Variants in GREB1L observed in about 807,000 individuals in gnomAD.
GREB1L encodes GREB1-like protein.
GREB1L carries 17 observed loss-of-function variants against 200.8 expected under a neutral mutation model. The observed-to-expected ratio is 0.08, with a 90% CI of 0.06 to 0.13. GREB1L has a LOEUF of 0.13. GREB1L is among the 10% of genes least tolerant of loss of function. The probability of loss-of-function intolerance (pLI) is 1.00; values close to 1 mark genes in which losing one functional copy is unlikely to be tolerated. For missense variants in GREB1L, 1,657 were observed against 2,367.7 expected (o/e 0.70, Z 6.23); for synonymous variants, 789 against 893.0 (o/e 0.88, Z 2.08).
chr18:21,345,965 A>G (rs2039338438), intron 1 of GREB1L, among the ~76,000 whole-genome samples: 1 of 152,106 alleles, frequency 6.6e-6, no homozygotes, highest in Non-Finnish European at 1.5e-5. Flanking sequence ...CTAAGACCGA[A>G]TAGAGCAGAG....
chr18:21,478,406 C>T (rs2035792624), intron 17 of GREB1L, among the ~76,000 whole-genome samples: 1 of 152,008 alleles, frequency 6.6e-6, no homozygotes, highest in Non-Finnish European at 1.5e-5. Flanking sequence ...GCAATGGATC[C>T]CTCATTTAAA....
intron 25 of GREB1L, among the ~76,000 whole-genome samples, 157 bp downstream of exon 25, chr18:21,506,106 G>A (rs2037005725): frequency 6.6e-6 from 1 of 152,016 alleles, no homozygotes; most frequent in Non-Finnish European, 1.5e-5. Flanking sequence ...TGAGAAAAAT[G>A]CATGAAGGCT....
At chr18:21,341,443 T>C (rs2145151253) in intron 1 of GREB1L, among the ~76,000 whole-genome samples, 1 of 152,330 alleles carries the variant, frequency 6.6e-6, no homozygotes, top group Middle Eastern at 3.4e-3. Flanking sequence ...ACAAATGTGA[T>C]TGCAAGTGCT....
chr18:21,448,465 A>G (rs1442438364), intron 11 of GREB1L, among the ~76,000 whole-genome samples: 4 of 152,208 alleles, frequency 2.6e-5, no homozygotes, highest in Admixed American at 2.6e-4. Flanking sequence ...GATCCCTATT[A>G]GAGGAAGGAA....
intron 7 of GREB1L, among the ~76,000 whole-genome samples, chr18:21,416,510 G>A (rs1410357703): frequency 1.3e-5 from 2 of 152,048 alleles, no homozygotes; most frequent in East Asian, 1.9e-4. Flanking sequence ...GGCTAACATG[G>A]TGAAACCCTG....
chr18:21,525,832 T>C lies in GREB1L; in HGVS notation c.*3011T>C, dbSNP rs1009699006. 1.3e-5 allele frequency among the ~76,000 whole-genome samples: 2 copies of C among 151,524 alleles called. No homozygotes were observed. Among genetic ancestry groups the C allele is most frequent in the African/African-American group, 4.8e-5 (2 of 41,382 alleles). ...ACTTTGTTGTCCCAGAAAAATGGCT[T>C]TCAATCTATTAATAAAGTGTAGTAA... On this transcript the variant is annotated 3_prime_UTR_variant, in exon 33 of 33. Transcript: ENST00000424526.
intron 5 of GREB1L, among the ~76,000 whole-genome samples, chr18:21,396,011 A>G (rs2041047378): frequency 6.6e-6 from 1 of 151,232 alleles, no homozygotes; most frequent in Admixed American, 6.6e-5. Context: ...TACAGGCGGT[A>G]ACTTCTTAAA....
At chr18:21,517,740 C>G (rs772240478) in intron 30 of GREB1L, among the ~76,000 whole-genome samples, 1 of 152,134 alleles carries the variant, frequency 6.6e-6, no homozygotes, top group Non-Finnish European at 1.5e-5. Context: ...TTAACCCACA[C>G]ACACTGTAAA....
intron 20 of GREB1L, 60 bp from the exon 21 acceptor site, chr18:21,496,394 A>G: frequency 6.6e-7 from 1 of 1,519,770 alleles, no homozygotes; most frequent in East Asian, 2.5e-5. Flanking sequence ...CACCAGGCAC[A>G]CATACACACT....
At chr18:21,380,183 C>G (rs1315221946) in intron 2 of GREB1L, 1 of 152,188 alleles carries the variant, frequency 6.6e-6, no homozygotes, top group South Asian at 2.1e-4. Context: ...ATACTACGCA[C>G]TGCCACCAGG....
In GREB1L at chr18:21,310,370, GGCT is replaced by G. The variant is rs1260505556; in HGVS notation, c.-119-55651_-119-55649del. On this transcript the variant is annotated intron_variant, in intron 1 of 32. Coordinates refer to ENST00000424526, the MANE Select transcript of GREB1L (RefSeq NM_001142966.3). ...GAATCACTTGAGCCCAAAAGCTCAA[GGCT>G]GCTGCATTTTTTTACATGAAAAATA... Among the ~76,000 whole-genome samples the G allele has an allele frequency of 7.2e-5, 11 of 152,316 alleles. No homozygotes were observed. In the South Asian group the frequency reaches 1.0e-3, roughly 14 times the overall value.
At position 21,295,452 on chromosome 18, in the gene GREB1L, A is replaced by G. The variant is rs560897901; in HGVS notation, c.-120+53059A>G. 2.0e-5 allele frequency among the ~76,000 whole-genome samples: 3 copies of G among 152,256 alleles called. No homozygotes were observed. In the South Asian group the frequency reaches 6.2e-4, roughly 32 times the overall value. On this transcript the variant is annotated intron_variant, in intron 1 of 32. Transcript: ENST00000424526. The stretch of plus-strand genomic sequence containing the variant: ...GGATATCTGCACCTGTACGGCAGGC[A>G]GGGTCAAGTCCTGAAAATGTCCCTT...
At chr18:21,438,666 CA>C (rs35409162) in intron 7 of GREB1L, among the ~76,000 whole-genome samples, 19 of 143,480 alleles carry the variant, frequency 1.3e-4, no homozygotes, top group Non-Finnish European at 9.2e-5. Flanking sequence ...GACCTTGTCT[CA>C]AAAAAAAAAG....
chr18:21,280,092 A>G lies in GREB1L; in HGVS notation c.-120+37699A>G, dbSNP rs113233492. On this transcript the variant is annotated intron_variant, in intron 1 of 32. Coordinates refer to ENST00000424526, the MANE Select transcript of GREB1L (RefSeq NM_001142966.3). ...GTTCACTCTTTGTGTTGTACATTGTATGGGTTTTGACACATACATAGTTTC... is the reference window on the plus strand; with the variant it reads ...GTTCACTCTTTGTGTTGTACATTGTGTGGGTTTTGACACATACATAGTTTC... Among the ~76,000 whole-genome samples the G allele has an allele frequency of 5.5e-3, 835 of 152,314 alleles. 7 individuals are homozygous for G. Among genetic ancestry groups the G allele is most frequent in the Non-Finnish European group, 6.9e-3 (467 of 68,020 alleles).
intron 1 of GREB1L, among the ~76,000 whole-genome samples, chr18:21,351,138 GT>G (rs1407446382): frequency 8.5e-5 from 13 of 152,084 alleles, no homozygotes; most frequent in African/African-American, 3.1e-4. Context: ...ATTCAAATAG[GT>G]TTTTTTCCTT....
At position 21,462,898 on chromosome 18, in the gene GREB1L, C is replaced by G. The variant is rs763418498; in HGVS notation, c.2182+8335C>G. Among the ~76,000 whole-genome samples the G allele has an allele frequency of 1.9e-4, 29 of 152,168 alleles. 1 individual carries two copies. The highest frequency in any genetic ancestry group is 6.8e-3 in the Middle Eastern group (2 of 294). ...ATTTAATACAAACAAATGGAGGAAC[C>G]TAACTGCATATCACATTGATAACAT... On this transcript the variant is annotated intron_variant, in intron 15 of 32. Coordinates refer to ENST00000424526, the MANE Select transcript of GREB1L (RefSeq NM_001142966.3).
At chr18:21,513,368 C>G (rs1294010911) in intron 27 of GREB1L, among the ~76,000 whole-genome samples, 1 of 152,220 alleles carries the variant, frequency 6.6e-6, no homozygotes, top group Non-Finnish European at 1.5e-5. Flanking sequence ...GGCATACCCA[C>G]TCACTGCAGC....
chr18:21,514,801 C>G (rs147298509), intron 28 of GREB1L, among the ~76,000 whole-genome samples: 3 of 152,304 alleles, frequency 2.0e-5, no homozygotes, highest in Admixed American at 2.0e-4. Flanking sequence ...TCAAGTCCAT[C>G]ACCTGTAAAA....
In GREB1L at chr18:21,496,603, A is replaced by C. The variant is rs1216001761; in HGVS notation, c.3296A>C (p.Gln1099Pro). The part of the protein sequence containing the change: ...TVALDLSGKE[Q>P]ERAAVSENDS... ...GCCCTGGACCTCAGCGGGAAGGAGC[A>C]GGAGAGAGCTGCTGTCAGTGAGAAT... The change falls in exon 21 of 33, where the codon CAG becomes CCG. Residue 1099 changes from glutamine (Q) to proline (P), a missense_variant. Transcript: ENST00000424526. 9 of 1,551,620 alleles carry C rather than the reference A, an allele frequency of 5.8e-6. No homozygotes were observed. The highest frequency in any genetic ancestry group is 7.8e-6 in the Non-Finnish European group (9 of 1,146,992).
Sources: gnomAD v4.1 joint callset for allele counts (sites outside exome capture counted in the v4.1 genomes callset) on GRCh38, gnomAD v4.1.1 for gene constraint, MANE v1.5 for transcripts, NCBI Gene and HGNC (gene_info 2026-07-23, HGNC 2026-07-21) for gene names.